Variants in NAALADL2 observed in about 807,000 individuals in gnomAD.
NAALADL2 encodes the protein N-acetylated alpha-linked acidic dipeptidase like 2.
In NAALADL2, 76 loss-of-function variants were observed where a neutral mutation model predicts 87.2. That is an observed-to-expected ratio of 0.87 (90% CI 0.72 to 1.05). NAALADL2 has a LOEUF of 1.05. NAALADL2 is among the 50% of genes least tolerant of loss of function. NAALADL2 has a pLI of 0.00. For synonymous variants in NAALADL2, 354 were observed against 331.0 expected (o/e 1.07, Z -0.75); for missense variants, 1,089 against 945.8 (o/e 1.15, Z -1.99).
At chr3:174,943,519 C>A (rs28864086) in intron 1 of NAALADL2, among the ~76,000 whole-genome samples, 6,271 of 152,266 alleles carry the variant, frequency 0.041, 436 homozygotes, top group African/African-American at 0.14. Context: ...ATGTCCACTG[C>A]AGCTCTGGGG....
intron 9 of NAALADL2, among the ~76,000 whole-genome samples, chr3:175,547,327 G>C (rs1024523767): frequency 6.6e-6 from 1 of 151,972 alleles, no homozygotes; most frequent in Admixed American, 6.6e-5. Context: ...AGGACTCCCT[G>C]TTCAACCAAT....
At chr3:174,966,825 TTG>T (rs1207829434) in intron 1 of NAALADL2, among the ~76,000 whole-genome samples, 1 of 152,176 alleles carries the variant, frequency 6.6e-6, no homozygotes, top group Non-Finnish European at 1.5e-5. Context: ...TTATCAAGTA[TTG>T]ATTGTAGGTA....
At chr3:174,858,833 A>G (rs1027993204), upstream of NAALADL2, among the ~76,000 whole-genome samples, 1 of 151,894 alleles carries the variant, frequency 6.6e-6, no homozygotes, top group Non-Finnish European at 1.5e-5. Context: ...TTTATAGTTT[A>G]GGAAACTGAG....
rs1158007540 is a variant in NAALADL2, at chr3:175,013,289, ATATATATATATATTT to A, written c.44-83499_44-83485del. On this transcript the variant is annotated intron_variant, in intron 1 of 13. Coordinates refer to ENST00000454872, the MANE Select transcript of NAALADL2 (RefSeq NM_207015.3). Reference sequence around the variant, plus strand: ...TTTTTATATATATACATATATATATATATATATATATATTTTTTTTTTTTTTTGAGACAGGGTCTT... The same window carrying A: ...TTTTTATATATATACATATATATATATTTTTTTTTTTTGAGACAGGGTCTT... Among the ~76,000 whole-genome samples the A allele has an allele frequency of 2.1e-3, 182 of 85,162 alleles. 4 individuals are homozygous for A. The highest frequency in any genetic ancestry group is 0.012 in the African/African-American group (178 of 14,488). 55.9% of individuals were successfully genotyped at this position (85,162 alleles called of 152,430 possible).
At chr3:174,658,156 G>C (rs537652006) in intron 2 of NAALADL2, among the ~76,000 whole-genome samples, 1 of 152,122 alleles carries the variant, frequency 6.6e-6, no homozygotes, top group Non-Finnish European at 1.5e-5. Flanking sequence ...TTGTTGGATT[G>C]TACGGTAAGA....
At chr3:174,779,691 G>A (rs1180309104) in intron 3 of NAALADL2, among the ~76,000 whole-genome samples, 1 of 152,132 alleles carries the variant, frequency 6.6e-6, no homozygotes, top group Non-Finnish European at 1.5e-5. Context: ...TTCTGCATAT[G>A]GCTAGACAGT....
chr3:175,493,469 T>C (rs1053753702), intron 9 of NAALADL2, among the ~76,000 whole-genome samples: 5 of 152,146 alleles, frequency 3.3e-5, no homozygotes, highest in Admixed American at 2.0e-4. Flanking sequence ...AACTATTTAC[T>C]GCTCAAGTTA....
At chr3:174,798,477 G>A (rs1718409178) in intron 3 of NAALADL2, among the ~76,000 whole-genome samples, 1 of 152,048 alleles carries the variant, frequency 6.6e-6, no homozygotes, top group African/African-American at 2.4e-5. Context: ...CGGGCAGCTT[G>A]GATAGTGATA....
chr3:175,639,388 T>G (rs1159265996), intron 11 of NAALADL2, among the ~76,000 whole-genome samples: 2 of 143,346 alleles, frequency 1.4e-5, no homozygotes, highest in Admixed American at 1.4e-4. Context: ...TGGTGCAATC[T>G]CGGCTCACTG....
intron 5 of NAALADL2, among the ~76,000 whole-genome samples, chr3:175,393,568 G>A (rs1302843503): frequency 2.6e-5 from 4 of 151,810 alleles, no homozygotes; most frequent in South Asian, 2.1e-4. Context: ...GTTAACATGC[G>A]GTGAATCTAT....
chr3:174,854,834 T>A (rs1315132916), upstream of NAALADL2, among the ~76,000 whole-genome samples: 3 of 140,304 alleles, frequency 2.1e-5, no homozygotes, highest in Admixed American at 2.2e-4. Flanking sequence ...TGCTTTTTTT[T>A]CTTTTTTTTT....
At chr3:174,889,078 G>C (rs774394960) in intron 1 of NAALADL2, among the ~76,000 whole-genome samples, 1 of 152,100 alleles carries the variant, frequency 6.6e-6, no homozygotes, top group Non-Finnish European at 1.5e-5. Flanking sequence ...TTTCTACAGT[G>C]ACTCGTGCCT....
chr3:175,568,988 A>T (rs1344793428), intron 9 of NAALADL2, among the ~76,000 whole-genome samples: 1 of 152,238 alleles, frequency 6.6e-6, no homozygotes, highest in Non-Finnish European at 1.5e-5. Context: ...AACAAATGTT[A>T]CTGGGTGCGT....
intron 5 of NAALADL2, among the ~76,000 whole-genome samples, chr3:175,439,495 C>T (rs1357975344): frequency 1.0e-5 from 1 of 95,346 alleles, no homozygotes; most frequent in Non-Finnish European, 2.2e-5. Context: ...CACATCCATG[C>T]CAACATCTAT....
At chr3:174,952,731 A>G (rs1740563524) in intron 1 of NAALADL2, among the ~76,000 whole-genome samples, 1 of 152,144 alleles carries the variant, frequency 6.6e-6, no homozygotes, top group Non-Finnish European at 1.5e-5. Flanking sequence ...TGCTTTTAAA[A>G]GTGATAACAG....
chr3:175,310,705 C>T (rs1758253820), intron 4 of NAALADL2, among the ~76,000 whole-genome samples: 1 of 151,728 alleles, frequency 6.6e-6, no homozygotes, highest in Non-Finnish European at 1.5e-5. Flanking sequence ...AATCTATAAT[C>T]CCAGAGGTTC....
chr3:175,501,567 G>A (rs1168152787), intron 9 of NAALADL2, among the ~76,000 whole-genome samples: 2 of 151,828 alleles, frequency 1.3e-5, no homozygotes, highest in African/African-American at 4.8e-5. Flanking sequence ...AAAAAGAGTG[G>A]GTACAAGACA....
chr3:174,720,443 G>T (rs1731603510), intron 2 of NAALADL2, among the ~76,000 whole-genome samples: 1 of 152,052 alleles, frequency 6.6e-6, no homozygotes, highest in Non-Finnish European at 1.5e-5. Flanking sequence ...TAGCTATATA[G>T]AGAGATATAG....
At chr3:175,099,591 C>A (rs1017139334) in intron 2 of NAALADL2, among the ~76,000 whole-genome samples, 4 of 152,138 alleles carry the variant, frequency 2.6e-5, no homozygotes, top group Admixed American at 1.3e-4. Context: ...GCCTTAATTC[C>A]GTACCTCCTA....
Sources: allele counts gnomAD v4.1 joint callset (sites outside exome capture counted in the v4.1 genomes callset), GRCh38; gene constraint gnomAD v4.1.1; transcripts MANE v1.5; gene names NCBI Gene and HGNC (gene_info 2026-07-23, HGNC 2026-07-21).